The following ITGB8 variants were observed in gnomAD, a reference collection of about 807,000 sequenced individuals.
ITGB8 encodes integrin subunit beta 8.
In ITGB8, 30 loss-of-function variants were observed where a neutral mutation model predicts 89.5. The observed-to-expected ratio is 0.34, with a 90% CI of 0.25 to 0.45. The LOEUF (loss-of-function observed/expected upper bound fraction) is 0.45. Ranked by LOEUF, ITGB8 falls within the 20% of genes least tolerant of loss-of-function variation. The probability of loss-of-function intolerance (pLI) is 1.00; values close to 1 mark genes in which losing one functional copy is unlikely to be tolerated. For synonymous variants in ITGB8, 335 were observed against 320.4 expected, an observed-to-expected ratio of 1.05 and a Z score of -0.49; for missense variants, 836 against 933.3, an observed-to-expected ratio of 0.90 and a Z score of 1.36.
intron 1 of ITGB8, among the ~76,000 whole-genome samples, chr7:20,362,386 T>C (rs2127941813): frequency 6.6e-6 from 1 of 152,344 alleles, no homozygotes; most frequent in South Asian, 2.1e-4. Flanking sequence ...TTTTCTTTTA[T>C]ATGTAATACA....
At chr7:20,347,362 G>A (rs770385036) in intron 1 of ITGB8, among the ~76,000 whole-genome samples, 4 of 152,170 alleles carry the variant, frequency 2.6e-5, no homozygotes, top group Non-Finnish European at 5.9e-5. Flanking sequence ...AACAATGTAT[G>A]TGGTGATTTT....
Position 20,381,985 on chromosome 7 carries a change from A to G in ITGB8, c.960+100A>G, listed in dbSNP as rs1037914058. 55 of 965,070 alleles carry G rather than the reference A, an allele frequency of 5.7e-5. No homozygotes were observed. The African/African-American group carries it at 8.4e-4, about 15-fold the overall frequency. The allele number at this position is 965,070 out of a possible 1,614,324, so 59.8% of individuals were successfully genotyped here. On this transcript the variant is annotated intron_variant, in intron 6 of 13. Transcript: ENST00000222573. The stretch of plus-strand genomic sequence containing the variant: ...TTTTTGTACCAGGAAATTACCTACA[A>G]AAGAAAGATACAGAACAAGGATAAG...
intron 8 of ITGB8, among the ~76,000 whole-genome samples, chr7:20,396,432 CA>C (rs71672323): frequency 0.13 from 16,181 of 121,162 alleles, 964 homozygotes; most frequent in East Asian, 0.39. Flanking sequence ...GACTCCATCT[CA>C]AAAAAAAAAA....
At chr7:20,334,478 C>A (rs1170505965) in intron 1 of ITGB8, among the ~76,000 whole-genome samples, 1 of 151,970 alleles carries the variant, frequency 6.6e-6, no homozygotes, top group Non-Finnish European at 1.5e-5. Context: ...CAAATTTCAC[C>A]TTCTGTGTAT....
chr7:20,338,687 G>T (rs1784653921), intron 1 of ITGB8, among the ~76,000 whole-genome samples: 1 of 152,024 alleles, frequency 6.6e-6, no homozygotes, highest in Non-Finnish European at 1.5e-5. Context: ...GACAAAGAAA[G>T]CACCAGAGAC....
intron 3 of ITGB8, chr7:20,377,517 T>TCTACCATC (rs1786203355): frequency 1.3e-5 from 2 of 152,228 alleles, no homozygotes; most frequent in Non-Finnish European, 2.9e-5. Flanking sequence ...AGTGTACCAG[T>TCTACCATC]GTCTAACATT....
In ITGB8 at chr7:20,406,149, G is replaced by A; in HGVS notation, c.2001G>A (p.Gln667=). Residue 667 remains glutamine, a synonymous_variant, in exon 12 of 14, where the codon CAG becomes CAA. Transcript: ENST00000222573. ...CCTCATGTGCTCTCATGGAACAACA[G>A]CATTATGTCGACCAAACTTCAGGTA... ...CKTSCALMEQ[Q]HYVDQTSECF... 2 of 1,609,040 alleles carry A rather than the reference G, an allele frequency of 1.2e-6. No individual in the cohort carries two copies. Among genetic ancestry groups the A allele is most frequent in the Admixed American group, 1.7e-5 (1 of 60,008 alleles).
rs1379177373 is a variant in ITGB8 at position 20,414,664 on chromosome 7, T to A, written c.*4667T>A. On this transcript the variant is annotated 3_prime_UTR_variant, in exon 14 of 14. Coordinates refer to ENST00000222573, the MANE Select transcript of ITGB8 (RefSeq NM_002214.3). The stretch of plus-strand genomic sequence containing the variant: ...TTCTTCTTTATCATTTGTGGGTTTT[T>A]CCCCCTTGGCTCTGATCACTTTAAC... 6.6e-6 allele frequency: 1 copy of A among 152,540 alleles called. No homozygotes were observed. Among genetic ancestry groups the A allele is most frequent in the Non-Finnish European group, 1.5e-5 (1 of 67,982 alleles). The allele number at this position is 152,540 out of a possible 1,614,324, so 9.4% of individuals were successfully genotyped here.
intron 1 of ITGB8, among the ~76,000 whole-genome samples, chr7:20,363,226 A>G (rs370838250): frequency 6.6e-6 from 1 of 152,210 alleles, no homozygotes; most frequent in East Asian, 1.9e-4. Context: ...TCTATAAACA[A>G]TAATTTTTGT....
Position 20,371,486 on chromosome 7 carries a change from T to C in ITGB8, c.388+4300T>C, listed in dbSNP as rs73088431. ...AGAAAAATGATCAATTGTGTGATTA[T>C]CTCATAAAAGCAACCTAGAATGTAA... On this transcript the variant is annotated intron_variant, in intron 3 of 13. Coordinates refer to ENST00000222573, the MANE Select transcript of ITGB8 (RefSeq NM_002214.3). Among the ~76,000 whole-genome samples, 365 of 152,260 alleles carry C rather than the reference T, an allele frequency of 2.4e-3. 3 individuals are homozygous for C. The highest frequency in any genetic ancestry group is 4.5e-3 in the Non-Finnish European group (308 of 67,984).
At chr7:20,335,915 T>C (rs1213102529) in intron 1 of ITGB8, among the ~76,000 whole-genome samples, 1 of 152,094 alleles carries the variant, frequency 6.6e-6, no homozygotes, top group Non-Finnish European at 1.5e-5. Context: ...TCTCTGATGT[T>C]GATTCTTCCT....
At chr7:20,405,124 G>A (rs1347002119) in intron 11 of ITGB8, among the ~76,000 whole-genome samples, 3 of 151,968 alleles carry the variant, frequency 2.0e-5, no homozygotes, top group Non-Finnish European at 2.9e-5. Context: ...TTTAGTAAGC[G>A]TGTGATCTCG....
At chr7:20,337,663 G>A (rs1053384369) in intron 1 of ITGB8, among the ~76,000 whole-genome samples, 7 of 152,190 alleles carry the variant, frequency 4.6e-5, no homozygotes, top group African/African-American at 1.7e-4. Flanking sequence ...ATTCCGATCT[G>A]TGTGGTTTGA....
intron 6 of ITGB8, among the ~76,000 whole-genome samples, chr7:20,387,241 A>C (rs1168787325): frequency 6.6e-6 from 1 of 152,206 alleles, no homozygotes; most frequent in East Asian, 1.9e-4. Context: ...AAAGGTGCTA[A>C]AGAGATCAGC....
intron 7 of ITGB8, 52 bp from the exon 8 acceptor site, chr7:20,394,844 A>G: frequency 8.3e-7 from 1 of 1,205,916 alleles, no homozygotes; most frequent in Non-Finnish European, 1.2e-6. Flanking sequence ...GTTGGTTGCT[A>G]ACCCATTACA....
intron 6 of ITGB8, among the ~76,000 whole-genome samples, chr7:20,390,677 T>C (rs138386249): frequency 1.3e-5 from 2 of 152,208 alleles, no homozygotes; most frequent in South Asian, 2.1e-4. Flanking sequence ...AGAATCAGAA[T>C]TGCTATTAGT....
At chr7:20,356,385 A>C (rs917647436) in intron 1 of ITGB8, among the ~76,000 whole-genome samples, 3 of 152,214 alleles carry the variant, frequency 2.0e-5, no homozygotes, top group African/African-American at 7.2e-5. Flanking sequence ...AGGTATATTT[A>C]CATGACTATG....
intron 10 of ITGB8, among the ~76,000 whole-genome samples, chr7:20,404,098 A>G (rs6972297): frequency 0.25 from 37,471 of 152,078 alleles, 5,389 homozygotes; most frequent in Non-Finnish European, 0.32. Context: ...TGTGAATGCA[A>G]TTGTTCAACT....
intron 1 of ITGB8, among the ~76,000 whole-genome samples, chr7:20,338,752 A>C (rs1784656579): frequency 6.6e-6 from 1 of 152,228 alleles, no homozygotes; most frequent in African/African-American, 2.4e-5. Context: ...GTGTTTTTAT[A>C]TTTTAATAAC....
Sources: gnomAD v4.1 joint callset for allele counts (sites outside exome capture counted in the v4.1 genomes callset) on GRCh38, gnomAD v4.1.1 for gene constraint, MANE v1.5 for transcripts, NCBI Gene and HGNC (gene_info 2026-07-23, HGNC 2026-07-21) for gene names.